Variants in CHD8 observed in about 807,000 individuals in gnomAD.
CHD8 encodes ATP-dependent chromatin remodeler CHD8.
In CHD8, 31 loss-of-function variants were observed where a neutral mutation model predicts 279.2. That is an observed-to-expected ratio of 0.11 (90% CI 0.08 to 0.15). The LOEUF is 0.15. CHD8 is among the 10% of genes least tolerant of loss of function. The pLI, the probability that CHD8 is intolerant of heterozygous loss-of-function variation, is 1.00. For missense variants in CHD8, 2,146 were observed against 3,230.5 expected (o/e 0.66, Z 8.14); for synonymous variants, 1,081 against 1,139.6 (o/e 0.95, Z 1.04).
intron 4 of CHD8, chr14:21,426,455 C>A: frequency 2.1e-6 from 1 of 485,034 alleles, no homozygotes; most frequent in Admixed American, 3.9e-5. Context: ...CCATATTTGA[C>A]AAATCCTTGT....
chr14:21,388,890 A>G (rs1887399539), intron 37 of CHD8, among the ~76,000 whole-genome samples: 1 of 152,356 alleles, frequency 6.6e-6, no homozygotes, highest in East Asian at 1.9e-4. Context: ...GTATGTGTAT[A>G]AAGATTTCTA....
At chr14:21,399,249 CAT>C in intron 26 of CHD8, 1 of 295,882 alleles carries the variant, frequency 3.4e-6, no homozygotes, top group Admixed American at 4.5e-5. Flanking sequence ...AGAGGAAAGT[CAT>C]ATAAATTAAG....
rs1887947460 is a variant in CHD8, at chr14:21,399,716, A to G, written c.4818-11T>C. 1 of 1,556,218 alleles carries G rather than the reference A, an allele frequency of 6.4e-7. No individual in the cohort carries two copies. The highest frequency in any genetic ancestry group is 1.1e-5 in the South Asian group (1 of 89,968). On this transcript the variant is annotated splice_polypyrimidine_tract_variant and intron_variant, in intron 25 of 37. Transcript: ENST00000646647. ...CATATGTCAATCTCACTAAAGGTAT[A>G]AGAGGGCAGAGTCAGCACAGAAATG...
chr14:21,397,262 G>A (rs950472401), intron 27 of CHD8: 1 of 503,308 alleles, frequency 2.0e-6, no homozygotes, highest in Non-Finnish European at 4.0e-6. Context: ...ATGGAATGGG[G>A]AGGTATTCAT....
chr14:21,415,685 G>A, intron 6 of CHD8, 40 bp downstream of exon 6: 1 of 1,611,742 alleles, frequency 6.2e-7, no homozygotes, highest in South Asian at 1.1e-5. Context: ...ATTGTGACCA[G>A]CAAGGCAATC....
In CHD8 at chr14:21,401,372, C is replaced by T. The variant is rs781313692; in HGVS notation, c.4173+31G>A. Reference sequence around the variant, plus strand: ...CTCCCGAAAGTAGTGTGGTCTTCTGCGATACTTCCTCCCTAAAAGAAGAAA... The same window carrying T: ...CTCCCGAAAGTAGTGTGGTCTTCTGTGATACTTCCTCCCTAAAAGAAGAAA... On this transcript the variant is annotated intron_variant, in intron 21 of 37. Transcript: ENST00000646647. 9 of 1,327,776 alleles carry T rather than the reference C, an allele frequency of 6.8e-6. No individual in the cohort carries two copies. The East Asian group carries it at 7.3e-5, about 11-fold the overall frequency. The allele number at this position is 1,327,776 out of a possible 1,614,324, so 82.2% of individuals were successfully genotyped here.
At chr14:21,454,740 T>C (rs1019812625) in intron 1 of CHD8, among the ~76,000 whole-genome samples, 2 of 152,244 alleles carry the variant, frequency 1.3e-5, no homozygotes, top group African/African-American at 4.8e-5. Flanking sequence ...AAGGTCTTCT[T>C]ACATGGAAAA....
At chr14:21,429,663 G>A (rs1889481028) in intron 2 of CHD8, 1 of 406,922 alleles carries the variant, frequency 2.5e-6, no homozygotes, top group Admixed American at 3.2e-5. Flanking sequence ...CTTGCTCCTG[G>A]GAGGTCACCA....
chr14:21,451,567 G>C (rs1364212841), intron 1 of CHD8, among the ~76,000 whole-genome samples: 1 of 89,374 alleles, frequency 1.1e-5, no homozygotes, highest in Non-Finnish European at 1.9e-5. Context: ...GTGAGACTCT[G>C]TCTCAAAAAA....
chr14:21,401,471 C>T lies in CHD8; in HGVS notation c.4105G>A (p.Asp1369Asn). The T allele has an allele frequency of 6.2e-7, 1 of 1,600,856 alleles. No individual in the cohort carries two copies. Among genetic ancestry groups the T allele is most frequent in the Non-Finnish European group, 8.5e-7 (1 of 1,173,244 alleles). Residue 1369 changes from aspartate (D) to asparagine (N), a missense_variant, in exon 21 of 38, where the codon GAT (aspartate) becomes AAT (asparagine). This residue lies in a region of CHD8 where 14 missense variants were observed against 40.7 expected (regional missense o/e 0.34). Coordinates refer to ENST00000646647, the MANE Select transcript of CHD8 (RefSeq NM_001170629.2). The stretch of plus-strand genomic sequence containing the variant: ...CACTTTTGCCAAAAGTTGGGGTCAT[C>T]CAAAGAAATATCTGTCCTGTTTTCA... ...ASENRTDISLDDPNFWQKWAK... is the reference protein window; with the variant it reads ...ASENRTDISLNDPNFWQKWAK...
Position 21,401,084 on chromosome 14 carries a change from C to G in CHD8, c.4174-13G>C, listed in dbSNP as rs550810496. 24 of 1,571,060 alleles carry G rather than the reference C, an allele frequency of 1.5e-5. No homozygotes were observed. In the South Asian group the frequency reaches 2.8e-4, roughly 18 times the overall value. On this transcript the variant is annotated splice_polypyrimidine_tract_variant and intron_variant, in intron 21 of 37. Transcript: ENST00000646647. Reference sequence around the variant, plus strand: ...TTACCAAATTATTCTATGAAGAGAACAGAAGGAGAAGTAATTCTCTTCCTG... The same window carrying G: ...TTACCAAATTATTCTATGAAGAGAAGAGAAGGAGAAGTAATTCTCTTCCTG...
In CHD8 at chr14:21,406,839, G is replaced by A; in HGVS notation, c.2907+17C>T. On this transcript the variant is annotated intron_variant, in intron 14 of 37. Coordinates refer to ENST00000646647, the MANE Select transcript of CHD8 (RefSeq NM_001170629.2). ...TTATTCCAGGTGTTTCTGCTCACAA[G>A]TCAGTGTGGAACTCACCAGGTCCAT... is the stretch of plus-strand genomic sequence containing the variant. The A allele has an allele frequency of 1.3e-6, 2 of 1,598,770 alleles. No individual in the cohort carries two copies. Among genetic ancestry groups the A allele is most frequent in the Non-Finnish European group, 1.7e-6 (2 of 1,172,856 alleles).
chr14:21,424,876 G>A (rs1347781350), intron 5 of CHD8, among the ~76,000 whole-genome samples: 1 of 152,178 alleles, frequency 6.6e-6, no homozygotes, highest in Admixed American at 6.5e-5. Context: ...AATATTAATA[G>A]AGAAACACTT....
chr14:21,392,774 G>A lies in CHD8; in HGVS notation c.6504C>T (p.Cys2168=). The part of the protein sequence containing the change: ...RVLINRIDLV[C]QAVLSGKWPS... ...GCCACTTCCCTGAGAGTACAGCCTG[G>A]CAGACGAGGTCAATACGGTTTATCA... is the stretch of plus-strand genomic sequence containing the variant. Residue 2168 remains cysteine, a synonymous_variant, in exon 34 of 38, where the codon TGC becomes TGT. Coordinates refer to ENST00000646647, the MANE Select transcript of CHD8 (RefSeq NM_001170629.2). The A allele has an allele frequency of 6.2e-7, 1 of 1,613,926 alleles. No homozygotes were observed. Among genetic ancestry groups the A allele is most frequent in the Non-Finnish European group, 8.5e-7 (1 of 1,179,858 alleles).
intron 1 of CHD8, among the ~76,000 whole-genome samples, chr14:21,443,855 C>CAAAAAAA (rs369671712): frequency 6.4e-5 from 3 of 47,212 alleles, no homozygotes; most frequent in African/African-American, 1.6e-4. Flanking sequence ...GACTCCGTCT[C>CAAAAAAA]AAAAAAAAAA....
Position 21,437,359 on chromosome 14 carries a change from G to T in CHD8, c.-215-5501C>A, listed in dbSNP as rs967375919. The T allele has an allele frequency of 3.0e-5, 24 of 804,976 alleles. No individual in the cohort carries two copies. The African/African-American group carries it at 3.6e-4, about 12-fold the overall frequency. The allele number at this position is 804,976 out of a possible 1,614,324, so 49.9% of individuals were successfully genotyped here. A position where few individuals can be genotyped will look rare whatever the true frequency, so the allele number is the denominator to read the frequency against. ...CGAAAAGACGCAAAACAGCGCAAAG[G>T]GTGGGACTATAAGGAGCTCCCTTCC... On this transcript the variant is annotated intron_variant, in intron 1 of 37. Transcript: ENST00000646647.
intron 1 of CHD8, among the ~76,000 whole-genome samples, chr14:21,433,344 C>T (rs577173996): frequency 9.9e-5 from 15 of 152,260 alleles, no homozygotes; most frequent in African/African-American, 3.4e-4. Flanking sequence ...AAAAGAAAAG[C>T]TATCAAAGAC....
intron 1 of CHD8, among the ~76,000 whole-genome samples, chr14:21,452,739 G>A (rs567170981): frequency 4.6e-5 from 7 of 151,424 alleles, no homozygotes; most frequent in Admixed American, 6.6e-5. Context: ...TAATCCCAGC[G>A]ATTTGGGTGG....
Position 21,390,663 on chromosome 14 carries a change from A to C in CHD8, c.7182+284T>G, listed in dbSNP as rs186178880. Among the ~76,000 whole-genome samples, 7 of 151,950 alleles carry C rather than the reference A, an allele frequency of 4.6e-5. No individual in the cohort carries two copies. The East Asian group carries it at 1.4e-3, about 30-fold the overall frequency. Reference sequence around the variant, plus strand: ...CGCGGTGGCAGGTGCCTGTAATCCCAGCTACTCAGGAGGCTGATGCACGAG... The same window carrying C: ...CGCGGTGGCAGGTGCCTGTAATCCCCGCTACTCAGGAGGCTGATGCACGAG... On this transcript the variant is annotated intron_variant, in intron 37 of 37. Transcript: ENST00000646647.
Sources: gnomAD v4.1 joint callset for allele counts (sites outside exome capture counted in the v4.1 genomes callset) on GRCh38, gnomAD v4.1.1 for gene constraint, gnomAD v4.1.1 regional missense constraint, MANE v1.5 for transcripts, NCBI Gene and HGNC (gene_info 2026-07-23, HGNC 2026-07-21) for gene names.